DGKB: variants seen among roughly 807,000 people sequenced by gnomAD.
DGKB encodes 90 kDa diacylglycerol kinase.
Under a neutral mutation model 114.3 loss-of-function variants are expected in DGKB, and 67 were observed. That is an observed-to-expected ratio of 0.59 (90% CI 0.48 to 0.72). The LOEUF (loss-of-function observed/expected upper bound fraction) is 0.72, where lower values mean the gene tolerates loss of function less well. Among genes scored for constraint, DGKB ranks in the 30% least tolerant of loss-of-function variants. DGKB has a pLI of 0.00. For synonymous variants in DGKB, 398 were observed against 323.1 expected, an observed-to-expected ratio of 1.23 and a Z score of -2.49; for missense variants, 907 against 975.2, an observed-to-expected ratio of 0.93 and a Z score of 0.93.
At chr7:14,895,771 A>T (rs1317465791) in intron 1 of DGKB, among the ~76,000 whole-genome samples, 1 of 151,650 alleles carries the variant, frequency 6.6e-6, no homozygotes. Flanking sequence ...TCTCTATATG[A>T]ATCTTAGACT....
At position 14,943,654 on chromosome 7, in the gene DGKB, A is replaced by G. The variant is rs529457291; in HGVS notation, c.-188+31042T>C. 5.9e-5 allele frequency among the ~76,000 whole-genome samples: 9 copies of G among 152,100 alleles called. No homozygotes were observed. The South Asian group carries it at 1.9e-3, about 31-fold the overall frequency. ...TGAAGTGAAACACACACACACATATATATATCTCCTGTGTTTCCACAGTAG... is the reference window on the plus strand; with the variant it reads ...TGAAGTGAAACACACACACACATATGTATATCTCCTGTGTTTCCACAGTAG... On this transcript the variant is annotated intron_variant, in intron 1 of 4. Transcript: ENST00000437998.
At chr7:14,697,738 A>G (rs912779146) in intron 8 of DGKB, among the ~76,000 whole-genome samples, 11 of 121,570 alleles carry the variant, frequency 9.0e-5, no homozygotes, top group East Asian at 2.6e-4. Flanking sequence ...GGAAAGAAAG[A>G]AGGAGGAAAG....
chr7:14,290,304 AT>A (rs1216150594), intron 23 of DGKB, among the ~76,000 whole-genome samples: 2 of 152,140 alleles, frequency 1.3e-5, no homozygotes, highest in African/African-American at 4.8e-5. Context: ...AGAATGACTG[AT>A]TGAAATTTTT....
intron 4 of DGKB, among the ~76,000 whole-genome samples, chr7:14,749,748 C>G (rs1188797192): frequency 6.6e-6 from 1 of 152,124 alleles, no homozygotes; most frequent in East Asian, 1.9e-4. Context: ...AATCCTCTAA[C>G]ATTTTCTCCT....
intron 23 of DGKB, among the ~76,000 whole-genome samples, chr7:14,324,091 A>G (rs1383147339): frequency 6.6e-6 from 1 of 152,204 alleles, no homozygotes; most frequent in East Asian, 1.9e-4. Flanking sequence ...TGTTGATAAA[A>G]GCATAATCTC....
At chr7:14,718,420 G>T in intron 6 of DGKB, 122 bp downstream of exon 6, 1 of 756,264 alleles carries the variant, frequency 1.3e-6, no homozygotes, top group Non-Finnish European at 1.9e-6. Context: ...TTACTATTAA[G>T]CAGGATCACT....
intron 1 of DGKB, among the ~76,000 whole-genome samples, chr7:14,939,167 C>G (rs912755289): frequency 3.9e-5 from 6 of 152,012 alleles, no homozygotes; most frequent in Admixed American, 1.3e-4. Flanking sequence ...TGCATTAGTA[C>G]TTTGTACATA....
chr7:14,315,569 A>C (rs1349579184), intron 23 of DGKB, among the ~76,000 whole-genome samples: 1 of 150,776 alleles, frequency 6.6e-6, no homozygotes, highest in Non-Finnish European at 1.5e-5. Context: ...GATCAATTCA[A>C]CAAGAAGAGC....
chr7:14,246,860 A>C (rs1025643808), intron 23 of DGKB, among the ~76,000 whole-genome samples: 2 of 152,168 alleles, frequency 1.3e-5, no homozygotes, highest in Non-Finnish European at 2.9e-5. Flanking sequence ...ACAAAACACT[A>C]TTATTAACTA....
At chr7:14,552,053 T>C (rs1016120531) in intron 20 of DGKB, among the ~76,000 whole-genome samples, 2 of 152,134 alleles carry the variant, frequency 1.3e-5, no homozygotes, top group African/African-American at 2.4e-5. Context: ...AAATATGCTT[T>C]ATAATATTAT....
At chr7:14,971,754 T>C (rs1185536066) in intron 1 of DGKB, among the ~76,000 whole-genome samples, 1 of 148,412 alleles carries the variant, frequency 6.7e-6, no homozygotes, top group African/African-American at 2.5e-5. Context: ...CAAAAGGATA[T>C]TGAAAGCATT....
Position 14,443,310 on chromosome 7 carries a change from A to T in DGKB, c.1835+34851T>A, listed in dbSNP as rs1172473267. ...ACTTTGTTGTTGACCTCTCAATCAG[A>T]CACCATTAATTTATTCAGCCAATTT... On this transcript the variant is annotated intron_variant, in intron 21 of 25. Transcript: ENST00000402815. Among the ~76,000 whole-genome samples, 3 of 152,110 alleles carry T rather than the reference A, an allele frequency of 2.0e-5. No homozygotes were observed. In the East Asian group the frequency reaches 5.8e-4, roughly 29 times the overall value.
intron 1 of DGKB, among the ~76,000 whole-genome samples, chr7:14,844,514 A>C (rs1440075421): frequency 3.9e-5 from 6 of 152,180 alleles, no homozygotes; most frequent in Admixed American, 3.9e-4. Context: ...CAACAAAAGG[A>C]CTACAAAAAA....
chr7:14,568,980 G>T (rs1053283059), intron 20 of DGKB, among the ~76,000 whole-genome samples: 1 of 152,188 alleles, frequency 6.6e-6, no homozygotes, highest in South Asian at 2.1e-4. Context: ...ATAGCATAAA[G>T]TTGAGATGCA....
At chr7:14,706,671 G>A (rs1480062007) in intron 6 of DGKB, among the ~76,000 whole-genome samples, 2 of 84,918 alleles carry the variant, frequency 2.4e-5, no homozygotes, top group Non-Finnish European at 4.6e-5. Context: ...CTCACTCAAA[G>A]CCGCTCAACT....
chr7:14,239,985 A>T (rs1297375843), intron 23 of DGKB, among the ~76,000 whole-genome samples: 1 of 152,092 alleles, frequency 6.6e-6, no homozygotes, highest in Non-Finnish European at 1.5e-5. Context: ...AGAAAAAATT[A>T]AAAATAATTT....
chr7:14,549,175 A>G (rs1399070434), intron 20 of DGKB, among the ~76,000 whole-genome samples: 1 of 152,196 alleles, frequency 6.6e-6, no homozygotes, highest in African/African-American at 2.4e-5. Flanking sequence ...AGGAAGTAAG[A>G]AAAACATTTC....
intron 1 of DGKB, among the ~76,000 whole-genome samples, chr7:14,843,764 G>C (rs943594065): frequency 6.6e-6 from 1 of 152,208 alleles, no homozygotes; most frequent in Non-Finnish European, 1.5e-5. Context: ...CTTGCTGTCT[G>C]CCAGAAAGCT....
At chr7:14,630,340 A>G (rs2128843448) in intron 13 of DGKB, 72 bp from the exon 14 acceptor site, 9 of 1,083,796 alleles carry the variant, frequency 8.3e-6, no homozygotes, top group African/African-American at 1.6e-5. Context: ...GAAGTTTCTC[A>G]TATCATTACA....
Sources: gnomAD v4.1 joint callset for allele counts (sites outside exome capture counted in the v4.1 genomes callset) on GRCh38, gnomAD v4.1.1 for gene constraint, MANE v1.5 for transcripts, NCBI Gene and HGNC (gene_info 2026-07-23, HGNC 2026-07-21) for gene names.